JAM3: variants seen among roughly 807,000 people sequenced by gnomAD.
JAM3 encodes junctional adhesion molecule 3.
Under a neutral mutation model 39.4 loss-of-function variants are expected in JAM3, and 31 were observed. That is an observed-to-expected ratio of 0.79 (90% CI 0.59 to 1.06). JAM3 has a LOEUF of 1.06. Ranked by LOEUF, JAM3 falls within the 50% of genes least tolerant of loss-of-function variation. The probability of loss-of-function intolerance (pLI) is 0.00; values close to 1 mark genes in which losing one functional copy is unlikely to be tolerated. For synonymous variants in JAM3, 182 were observed against 148.7 expected (o/e 1.22, Z -1.63); for missense variants, 455 against 391.4 (o/e 1.16, Z -1.37).
At chr11:134,120,809 G>A (rs1191159691) in intron 1 of JAM3, among the ~76,000 whole-genome samples, 1 of 152,168 alleles carries the variant, frequency 6.6e-6, no homozygotes, top group East Asian at 1.9e-4. Context: ...CAGGCTCTAT[G>A]GAATCAGGAA....
At chr11:134,113,763 G>A (rs189594788) in intron 1 of JAM3, among the ~76,000 whole-genome samples, 2,140 of 152,306 alleles carry the variant, frequency 0.014, 19 homozygotes, top group Non-Finnish European at 0.022. Flanking sequence ...CTGAGGAATC[G>A]CCACACTGTC....
At chr11:134,077,035 A>G (rs1170232481) in intron 1 of JAM3, among the ~76,000 whole-genome samples, 27 of 151,970 alleles carry the variant, frequency 1.8e-4, no homozygotes, top group Non-Finnish European at 2.9e-5. Flanking sequence ...GGGTTTTGCC[A>G]TGTTGGCCAG....
At chr11:134,129,797 C>T (rs116489436) in intron 1 of JAM3, among the ~76,000 whole-genome samples, 3,805 of 152,148 alleles carry the variant, frequency 0.025, 161 homozygotes, top group African/African-American at 0.087. Flanking sequence ...AGCTCAGGAG[C>T]GCGAGACCAG....
At chr11:134,106,499 G>A (rs913481100) in intron 1 of JAM3, among the ~76,000 whole-genome samples, 2 of 152,148 alleles carry the variant, frequency 1.3e-5, no homozygotes, top group East Asian at 1.9e-4. Context: ...TGACAGATGG[G>A]ATCTAATTAA....
chr11:134,110,391 AC>A (rs2120723992), intron 1 of JAM3, among the ~76,000 whole-genome samples: 1 of 152,366 alleles, frequency 6.6e-6, no homozygotes, highest in African/African-American at 2.4e-5. Context: ...ACTGGAAATA[AC>A]CCAAATGCCC....
At chr11:134,124,579 C>T (rs970711008) in intron 1 of JAM3, among the ~76,000 whole-genome samples, 4 of 152,168 alleles carry the variant, frequency 2.6e-5, no homozygotes, top group African/African-American at 9.7e-5. Flanking sequence ...TACCTTCGGA[C>T]TCCAAAAAAA....
chr11:134,106,436 G>A (rs1942188685), intron 1 of JAM3, among the ~76,000 whole-genome samples: 1 of 152,036 alleles, frequency 6.6e-6, no homozygotes, highest in Non-Finnish European at 1.5e-5. Context: ...CATAGGCATG[G>A]GCAAGGACTT....
At chr11:134,079,534 GA>G (rs377247819) in intron 1 of JAM3, among the ~76,000 whole-genome samples, 3,270 of 147,726 alleles carry the variant, frequency 0.022, 123 homozygotes, top group African/African-American at 0.077. Context: ...TTTTCTGGGT[GA>G]AAAAAAAAAG....
At position 134,148,779 on chromosome 11, in the gene JAM3, G is replaced by A. The variant is rs1414000238; in HGVS notation, c.858G>A (p.Gly286=). ...CTCCTCATAGTTACAAGAACCCAGG[G>A]AAACCAGATGGAGTTAACTACATCC... ...KQDGESYKNP[G]KPDGVNYIRT... is the part of the protein sequence containing the mutation. The change falls in exon 8 of 9, where the codon GGG becomes GGA. Residue 286 remains glycine (G), a synonymous_variant. Transcript: ENST00000299106. The A allele has an allele frequency of 3.7e-6, 6 of 1,614,150 alleles. No individual in the cohort carries two copies. The South Asian group carries it at 4.4e-5, about 12-fold the overall frequency.
At chr11:134,148,956 A>ACACACG in intron 8 of JAM3, 138 bp downstream of exon 8, 1 of 133,046 alleles carries the variant, frequency 7.5e-6, no homozygotes, top group Non-Finnish European at 1.2e-5. Context: ...CTTCACAGTA[A>ACACACG]CACACACACA....
chr11:134,080,124 C>G (rs893855433), intron 1 of JAM3, among the ~76,000 whole-genome samples: 2 of 152,124 alleles, frequency 1.3e-5, no homozygotes, highest in African/African-American at 4.8e-5. Context: ...AATCTGATTT[C>G]TAAGCATCAG....
At chr11:134,076,782 C>T (rs148897428) in intron 1 of JAM3, among the ~76,000 whole-genome samples, 8 of 149,764 alleles carry the variant, frequency 5.3e-5, no homozygotes, top group East Asian at 3.9e-4. Flanking sequence ...GGTGGTCCTT[C>T]GACCTCAGCC....
intron 8 of JAM3, 23 bp from the exon 9 acceptor site, chr11:134,149,123 C>G: frequency 6.4e-7 from 1 of 1,560,696 alleles, no homozygotes; most frequent in Non-Finnish European, 8.8e-7. Context: ...CTTGATGGCT[C>G]TAACTGTGTG....
intron 1 of JAM3, among the ~76,000 whole-genome samples, chr11:134,122,134 A>G (rs1474012360): frequency 6.6e-6 from 1 of 152,206 alleles, no homozygotes; most frequent in African/African-American, 2.4e-5. Flanking sequence ...ATTTAGTTAA[A>G]AATCAAAACT....
chr11:134,101,881 A>T (rs1395336514), intron 1 of JAM3, among the ~76,000 whole-genome samples: 1 of 152,148 alleles, frequency 6.6e-6, no homozygotes, highest in Non-Finnish European at 1.5e-5. Context: ...AGCTTGGGCA[A>T]GATAGCAAGA....
intron 1 of JAM3, among the ~76,000 whole-genome samples, chr11:134,091,492 C>A (rs1259043076): frequency 1.3e-5 from 2 of 150,700 alleles, no homozygotes; most frequent in Non-Finnish European, 2.9e-5. Context: ...GAGCAAGACT[C>A]CATCTCTAAA....
At chr11:134,148,952 A>C in intron 8 of JAM3, 134 bp downstream of exon 8, 1 of 918,266 alleles carries the variant, frequency 1.1e-6, no homozygotes. Context: ...GCCCCTTCAC[A>C]GTAACACACA....
At chr11:134,103,377 AG>A (rs1281388149) in intron 1 of JAM3, among the ~76,000 whole-genome samples, 1 of 152,226 alleles carries the variant, frequency 6.6e-6, no homozygotes, top group African/African-American at 2.4e-5. Context: ...AAACATGGAA[AG>A]GAACAACCAG....
At chr11:134,081,601 A>G (rs963201723) in intron 1 of JAM3, among the ~76,000 whole-genome samples, 1 of 152,244 alleles carries the variant, frequency 6.6e-6, no homozygotes, top group African/African-American at 2.4e-5. Flanking sequence ...ACCTTCACCT[A>G]GATTTCAGAG....
Sources: allele counts gnomAD v4.1 joint callset (sites outside exome capture counted in the v4.1 genomes callset), GRCh38; gene constraint gnomAD v4.1.1; transcripts MANE v1.5; gene names NCBI Gene and HGNC (gene_info 2026-07-23, HGNC 2026-07-21).